Variants in HMCN1 observed in about 807,000 individuals in gnomAD.
HMCN1 encodes hemicentin 1.
In HMCN1, 321 loss-of-function variants were observed where a neutral mutation model predicts 625.9. That is an observed-to-expected ratio of 0.51 (90% CI 0.47 to 0.56). The LOEUF (loss-of-function observed/expected upper bound fraction) is 0.56, where lower values mean the gene tolerates loss of function less well. Ranked by LOEUF, HMCN1 falls within the 20% of genes least tolerant of loss-of-function variation. HMCN1 has a pLI of 0.00. For synonymous variants in HMCN1, 2,425 were observed against 2,417.6 expected (o/e 1.00, Z -0.09); for missense variants, 6,588 against 6,887.3 (o/e 0.96, Z 1.54).
chr1:186,177,071 G>C (rs939258679), intron 103 of HMCN1: 5 of 148,228 alleles, frequency 3.4e-5, no homozygotes, highest in Non-Finnish European at 5.9e-5. Flanking sequence ...TTGGGAGGTC[G>C]AGGCGGGTGG....
intron 7 of HMCN1, among the ~76,000 whole-genome samples, chr1:185,922,933 A>G (rs1432704352): frequency 1.3e-5 from 2 of 152,188 alleles, no homozygotes; most frequent in African/African-American, 4.8e-5. Context: ...GTCACATATC[A>G]TTGTATTTCA....
intron 15 of HMCN1, among the ~76,000 whole-genome samples, chr1:185,976,727 G>A (rs1651243726): frequency 6.6e-6 from 1 of 152,116 alleles, no homozygotes; most frequent in African/African-American, 2.4e-5. Flanking sequence ...ACCCCATAGA[G>A]ATATTGTGAA....
At chr1:186,122,930 T>G in intron 80 of HMCN1, 21 bp from the exon 81 acceptor site, 1 of 1,611,532 alleles carries the variant, frequency 6.2e-7, no homozygotes, top group Non-Finnish European at 8.5e-7. Context: ...GTTTGAACTT[T>G]ATATTTTTTG....
Position 186,053,875 on chromosome 1 carries a change from G to C in HMCN1, c.6751G>C (p.Gly2251Arg). 2 of 1,612,672 alleles carry C rather than the reference G, an allele frequency of 1.2e-6. No homozygotes were observed. The highest frequency in any genetic ancestry group is 1.7e-6 in the Non-Finnish European group (2 of 1,179,176). The change falls in exon 44 of 107, where the codon GGC (glycine) becomes CGC (arginine). Residue 2251 changes from glycine (G) to arginine (R), a missense_variant. Transcript: ENST00000271588. ...SMGRVRILSGGRQLQISIAEK... is the reference protein window; with the variant it reads ...SMGRVRILSGRRQLQISIAEK... ...GGGGCGAGTTAGAATTTTATCTGGG[G>C]GCAGGCAATTACAAATTTCAATTGC...
intron 13 of HMCN1, among the ~76,000 whole-genome samples, chr1:185,964,255 A>C (rs1650240191): frequency 6.6e-6 from 1 of 152,164 alleles, no homozygotes; most frequent in African/African-American, 2.4e-5. Context: ...TACTTATATT[A>C]AAAACTGTGT....
At chr1:185,839,377 T>C (rs1661350358) in intron 1 of HMCN1, among the ~76,000 whole-genome samples, 1 of 152,202 alleles carries the variant, frequency 6.6e-6, no homozygotes, top group Non-Finnish European at 1.5e-5. Context: ...ATTTATTTTC[T>C]TTTTGTTTGC....
rs183042459 is a variant in HMCN1, at chr1:185,930,071, G to A, written c.1552+1404G>A. 7.7e-4 allele frequency among the ~76,000 whole-genome samples: 117 copies of A among 152,298 alleles called. 1 individual carries two copies. Among genetic ancestry groups the A allele is most frequent in the East Asian group, 5.8e-4 (3 of 5,186 alleles). ...GAAGAACTTGTGAACTGACTGTCATGAATTGGGCTTGACGGTGTCAGGAAC... is the reference window on the plus strand; with the variant it reads ...GAAGAACTTGTGAACTGACTGTCATAAATTGGGCTTGACGGTGTCAGGAAC... On this transcript the variant is annotated intron_variant, in intron 10 of 106. Transcript: ENST00000271588.
chr1:185,847,032 C>T (rs1251303818), intron 2 of HMCN1, among the ~76,000 whole-genome samples: 2 of 152,064 alleles, frequency 1.3e-5, no homozygotes, highest in African/African-American at 2.4e-5. Context: ...ACACTACAAC[C>T]ACTCCCTTAC....
At chr1:186,171,843 G>C in intron 101 of HMCN1, among the ~76,000 whole-genome samples, 163 bp from the exon 102 acceptor site, 1 of 152,218 alleles carries the variant, frequency 6.6e-6, no homozygotes, top group South Asian at 2.1e-4. Flanking sequence ...ATATTTTAAA[G>C]TGTGTTACAT....
intron 77 of HMCN1, among the ~76,000 whole-genome samples, chr1:186,118,942 C>A (rs538414201): frequency 2.6e-5 from 4 of 152,216 alleles, no homozygotes; most frequent in African/African-American, 9.6e-5. Flanking sequence ...GTTTGCATAA[C>A]TCTAAGTATA....
At chr1:185,840,447 T>C (rs1238481379) in intron 1 of HMCN1, among the ~76,000 whole-genome samples, 1 of 152,184 alleles carries the variant, frequency 6.6e-6, no homozygotes, top group African/African-American at 2.4e-5. Context: ...GAATGGCATT[T>C]TGAGGAGGCC....
At chr1:185,896,309 C>T (rs1204222056) in intron 4 of HMCN1, among the ~76,000 whole-genome samples, 1 of 151,834 alleles carries the variant, frequency 6.6e-6, no homozygotes, top group Non-Finnish European at 1.5e-5. Flanking sequence ...TCCCAAATGT[C>T]TACTAGATGG....
intron 10 of HMCN1, 77 bp from the exon 11 acceptor site, chr1:185,933,472 T>G: frequency 7.1e-7 from 1 of 1,408,110 alleles, no homozygotes; most frequent in Non-Finnish European, 1.0e-6. Context: ...ACATACTTAT[T>G]CAGTTTTTAA....
rs953754415 is a variant in HMCN1 at position 185,809,846 on chromosome 1, C to T, written c.269-36180C>T. On this transcript the variant is annotated intron_variant, in intron 1 of 106. Coordinates refer to ENST00000271588, the MANE Select transcript of HMCN1 (RefSeq NM_031935.3). ...GATACTTTTTGAAACAATTCAAATT[C>T]TCTTCACTACCTAGTGGAAACTCCA... Among the ~76,000 whole-genome samples, 3 of 152,084 alleles carry T rather than the reference C, an allele frequency of 2.0e-5. No individual in the cohort carries two copies. The East Asian group carries it at 5.8e-4, about 29-fold the overall frequency.
intron 63 of HMCN1, among the ~76,000 whole-genome samples, 188 bp from the exon 64 acceptor site, chr1:186,090,570 C>T (rs1426694391): frequency 7.9e-5 from 12 of 152,060 alleles, no homozygotes; most frequent in Middle Eastern, 3.4e-3. Flanking sequence ...TACAAATACA[C>T]CAGAAATATT....
rs778149005 is a variant in HMCN1 at position 186,128,079 on chromosome 1, T to G, written c.12692T>G (p.Leu4231Arg). The part of the protein sequence containing the change: ...YGELILENVV[L>R]EDSGFYTCVA... The stretch of plus-strand genomic sequence containing the variant: ...AAATGTTACTTTTTTTAATTTTAGC[T>G]GGAGGATTCTGGCTTCTATACCTGT... Residue 4231 changes from leucine to arginine, a missense_variant and splice_region_variant, in exon 83 of 107, where the codon CTG (leucine) becomes CGG (arginine). By Grantham distance (102) the Leu-to-Arg change is moderately radical (BLOSUM62 -2). This residue lies in a region of HMCN1 where 1,954 missense variants were observed against 2,013.1 expected (regional missense o/e 0.97). Transcript: ENST00000271588. The G allele has an allele frequency of 3.1e-6, 5 of 1,612,994 alleles. No homozygotes were observed. In the South Asian group the frequency reaches 5.5e-5, roughly 18 times the overall value.
At chr1:185,935,419 A>G (rs1455731094) in intron 11 of HMCN1, among the ~76,000 whole-genome samples, 3 of 152,110 alleles carry the variant, frequency 2.0e-5, no homozygotes, top group Non-Finnish European at 2.9e-5. Flanking sequence ...AGTTCCATGG[A>G]CATTTTCTGA....
chr1:185,796,296 C>T (rs184015828), intron 1 of HMCN1, among the ~76,000 whole-genome samples: 164 of 152,250 alleles, frequency 1.1e-3, no homozygotes, highest in African/African-American at 3.7e-3. Flanking sequence ...GGAGGTAATG[C>T]TGCTCACCTC....
At chr1:185,890,104 G>A (rs561339981) in intron 4 of HMCN1, among the ~76,000 whole-genome samples, 83 of 152,002 alleles carry the variant, frequency 5.5e-4, no homozygotes, top group Admixed American at 9.8e-4. Context: ...GCTTAGAGGT[G>A]TTTGTAGTAT....
Sources: allele counts gnomAD v4.1 joint callset (sites outside exome capture counted in the v4.1 genomes callset), GRCh38; gene constraint gnomAD v4.1.1; regional missense constraint gnomAD v4.1.1; transcripts MANE v1.5; gene names NCBI Gene and HGNC (gene_info 2026-07-23, HGNC 2026-07-21).